The following LAMA3 variants were observed in gnomAD, a reference collection of about 807,000 sequenced individuals.
LAMA3 encodes the protein laminin subunit alpha 3.
A neutral mutation model predicts 402.0 loss-of-function variants in LAMA3; 281 were observed. The observed-to-expected ratio is 0.70, with a 90% CI of 0.63 to 0.77. The LOEUF (loss-of-function observed/expected upper bound fraction) is 0.77, where lower values mean the gene tolerates loss of function less well. LAMA3 is among the 30% of genes least tolerant of loss of function. LAMA3 has a pLI of 0.00. For synonymous variants in LAMA3, 1,431 were observed against 1,558.4 expected, an observed-to-expected ratio of 0.92 and a Z score of 1.93; for missense variants, 3,840 against 4,215.5, an observed-to-expected ratio of 0.91 and a Z score of 2.47.
At chr18:23,944,071 G>C in intron 69 of LAMA3, 100 bp downstream of exon 69, 4 of 1,193,636 alleles carry the variant, frequency 3.4e-6, no homozygotes, top group Middle Eastern at 3.9e-4. Context: ...ACATGAGGGC[G>C]TGGAGTGGGA....
intron 9 of LAMA3, among the ~76,000 whole-genome samples, chr18:23,773,919 T>C (rs746112490): frequency 9.2e-5 from 14 of 152,228 alleles, no homozygotes; most frequent in Non-Finnish European, 1.6e-4. Context: ...TTCTATGATC[T>C]CTAATAATTT....
chr18:23,849,253 C>A (rs8086910), intron 32 of LAMA3, among the ~76,000 whole-genome samples: 24,010 of 152,162 alleles, frequency 0.16, 4,221 homozygotes, highest in African/African-American at 0.42. Flanking sequence ...TCTGGTGCCT[C>A]CCAACTCCTT....
Position 23,842,500 on chromosome 18 carries a change from G to A in LAMA3, c.3442G>A (p.Asp1148Asn). Residue 1148 changes from aspartate to asparagine, a missense_variant, in exon 28 of 75, where the codon GAT becomes AAT. Physicochemically the swap from Asp to Asn is conservative, Grantham distance 23. Coordinates refer to ENST00000313654, the MANE Select transcript of LAMA3 (RefSeq NM_198129.4). ...HPTFPAQVSV[D>N]GGWPRAGSFH... ...GACGTTTCCCGCGCAGGTGTCGGTG[G>A]ATGGCGGGTGGCCACGGGCAGGTGA... The A allele has an allele frequency of 1.2e-6, 2 of 1,614,244 alleles. No homozygotes were observed. Among genetic ancestry groups the A allele is most frequent in the Non-Finnish European group, 1.7e-6 (2 of 1,180,050 alleles).
intron 69 of LAMA3, among the ~76,000 whole-genome samples, chr18:23,945,520 G>C (rs2082679332): frequency 6.6e-6 from 1 of 152,154 alleles, no homozygotes; most frequent in African/African-American, 2.4e-5. Context: ...AACATCTCAG[G>C]GTTGAGTGGC....
At chr18:23,748,290 A>AC (rs2061686865) in intron 3 of LAMA3, among the ~76,000 whole-genome samples, 2 of 149,548 alleles carry the variant, frequency 1.3e-5, no homozygotes, top group African/African-American at 4.9e-5. Flanking sequence ...TTAGCCAGGC[A>AC]CATGCCTGTT....
rs373464847 is a variant in LAMA3, at chr18:23,901,216, G to C, written c.6094G>C (p.Glu2032Gln). ...TATCCGGGATTCTTTAAATGAATAC[G>C]AAGCCAAACTCAGTGACCTTCGTGC... is the stretch of plus-strand genomic sequence containing the variant. ...NSIRDSLNEY[E>Q]AKLSDLRARL... Residue 2032 changes from glutamate (E) to glutamine (Q), a missense_variant, in exon 48 of 75, where the codon GAA becomes CAA. Around this residue, in one of 3 missense-constraint regions of LAMA3, gnomAD observed 891 missense variants for 857.5 expected, o/e 1.04. Transcript: ENST00000313654. 4 of 1,614,020 alleles carry C rather than the reference G, an allele frequency of 2.5e-6. No homozygotes were observed. Among genetic ancestry groups the C allele is most frequent in the East Asian group, 4.5e-5 (2 of 44,896 alleles).
Position 23,904,663 on chromosome 18 carries a change from G to C in LAMA3, c.6584G>C (p.Arg2195Thr). Residue 2195 changes from arginine to threonine, a missense_variant, in exon 51 of 75, where the codon AGG becomes ACG. Arg to Thr is a moderately conservative substitution (Grantham distance 71). Coordinates refer to ENST00000313654, the MANE Select transcript of LAMA3 (RefSeq NM_198129.4). ...AAAGCGGCCGAGGACGCAGCCAACA[G>C]GGCTGCCAGTGCATCTGAATCTGCC... The part of the protein sequence containing the change: ...AIKAAEDAAN[R>T]AASASESALQ... 6.2e-7 allele frequency: 1 copy of C among 1,614,042 alleles called. No homozygotes were observed.
chr18:23,940,340 A>T (rs1187751958), intron 68 of LAMA3, among the ~76,000 whole-genome samples: 2 of 152,164 alleles, frequency 1.3e-5, no homozygotes, highest in Non-Finnish European at 2.9e-5. Flanking sequence ...CTCTGAGAAG[A>T]GCTCAGTGTT....
chr18:23,752,445 T>G lies in LAMA3; in HGVS notation c.856-1276T>G, dbSNP rs184599635. ...TGTTTTATGGAGTATACCACACACA[T>G]AATACATAATCTTAACCCCCCAAGT... On this transcript the variant is annotated intron_variant, in intron 5 of 74. Transcript: ENST00000313654. Among the ~76,000 whole-genome samples, 65 of 152,312 alleles carry G rather than the reference T, an allele frequency of 4.3e-4. No individual in the cohort carries two copies. In the East Asian group the frequency reaches 5.2e-3, roughly 12 times the overall value.
Position 23,953,047 on chromosome 18 carries a change from C to T in LAMA3, c.9794C>T (p.Ala3265Val), listed in dbSNP as rs770490863. Reference protein sequence around the residue: ...LELDTDSSYTAGQIPFPPAST... With the variant: ...LELDTDSSYTVGQIPFPPAST... Reference sequence around the variant, plus strand: ...CTGGACACAGACAGTAGCTACACAGCTGGACAGATCCCCTTCCCACCTGCC... The same window carrying T: ...CTGGACACAGACAGTAGCTACACAGTTGGACAGATCCCCTTCCCACCTGCC... Residue 3265 changes from alanine to valine, a missense_variant, in exon 74 of 75, where the codon GCT (alanine) becomes GTT (valine). Around this residue, in one of 3 missense-constraint regions of LAMA3, gnomAD observed 840 missense variants for 981.9 expected, o/e 0.86. Transcript: ENST00000313654. The T allele has an allele frequency of 2.5e-6, 4 of 1,614,178 alleles. No individual in the cohort carries two copies. Among genetic ancestry groups the T allele is most frequent in the Non-Finnish European group, 3.4e-6 (4 of 1,180,010 alleles).
intron 9 of LAMA3, among the ~76,000 whole-genome samples, chr18:23,773,969 C>T (rs113413947): frequency 8.6e-5 from 13 of 152,024 alleles, no homozygotes; most frequent in African/African-American, 2.4e-4. Flanking sequence ...GCCTGTAATC[C>T]CAGGACTTTG....
chr18:23,942,618 C>T (rs370495857), intron 68 of LAMA3, among the ~76,000 whole-genome samples: 1 of 151,586 alleles, frequency 6.6e-6, no homozygotes, highest in South Asian at 2.1e-4. Flanking sequence ...CGCTGTGTCA[C>T]CCAGGCTGGA....
intron 25 of LAMA3, 47 bp from the exon 26 acceptor site, chr18:23,838,734 T>G (rs776517585): frequency 4.7e-6 from 5 of 1,057,344 alleles, no homozygotes; most frequent in Non-Finnish European, 7.4e-6. Context: ...ACCGTTTGTT[T>G]TGCTGGTAAC....
Position 23,941,617 on chromosome 18 carries a change from C to T in LAMA3, c.9027-2171C>T, listed in dbSNP as rs559649855. Among the ~76,000 whole-genome samples, 31 of 152,234 alleles carry T rather than the reference C, an allele frequency of 2.0e-4. No individual in the cohort carries two copies. In the South Asian group the frequency reaches 6.2e-3, roughly 31 times the overall value. ...ACATTCTAGCAGTGTTCTGACACTC[C>T]TTTAAACTGGTGCCATTGCTTTACC... On this transcript the variant is annotated intron_variant, in intron 68 of 74. Transcript: ENST00000313654.
intron 2 of LAMA3, among the ~76,000 whole-genome samples, chr18:23,722,575 G>C (rs1263364435): frequency 1.3e-5 from 2 of 152,118 alleles, no homozygotes; most frequent in Non-Finnish European, 2.9e-5. Flanking sequence ...ACATTTGTTG[G>C]TTTTCATAAA....
At chr18:23,912,634 G>A (rs1363035737) in intron 55 of LAMA3, 77 bp from the exon 56 acceptor site, 3 of 1,242,330 alleles carry the variant, frequency 2.4e-6, no homozygotes, top group Non-Finnish European at 3.6e-6. Flanking sequence ...ATGGCTACGA[G>A]TCACAAACTA....
intron 44 of LAMA3, among the ~76,000 whole-genome samples, chr18:23,895,264 A>T (rs764622588): frequency 1.3e-5 from 2 of 152,212 alleles, no homozygotes; most frequent in Non-Finnish European, 2.9e-5. Context: ...AACAATACTT[A>T]CTGAACATTT....
intron 2 of LAMA3, among the ~76,000 whole-genome samples, chr18:23,738,040 T>C (rs148978276): frequency 6.6e-4 from 100 of 152,192 alleles, no homozygotes; most frequent in African/African-American, 2.2e-3. Context: ...GTGAGAAGTC[T>C]GGGCTGGAAA....
intron 48 of LAMA3, among the ~76,000 whole-genome samples, chr18:23,901,961 T>C (rs1599045473): frequency 6.6e-6 from 1 of 152,254 alleles, no homozygotes; most frequent in Admixed American, 6.5e-5. Context: ...CCCAAAGTGA[T>C]GGGATTACAG....
Sources: gnomAD v4.1 joint callset for allele counts (sites outside exome capture counted in the v4.1 genomes callset) on GRCh38, gnomAD v4.1.1 for gene constraint, gnomAD v4.1.1 regional missense constraint, MANE v1.5 for transcripts, NCBI Gene and HGNC (gene_info 2026-07-23, HGNC 2026-07-21) for gene names.